The following CORIN variants were observed in gnomAD, a reference collection of about 807,000 sequenced individuals.
CORIN encodes atrial natriuretic peptide-converting enzyme.
CORIN carries 117 observed loss-of-function variants against 125.3 expected under a neutral mutation model. That is an observed-to-expected ratio of 0.93 (90% CI 0.80 to 1.09). The LOEUF is 1.09. CORIN is among the 50% of genes least tolerant of loss of function. The probability of loss-of-function intolerance (pLI) is 0.00; values close to 1 mark genes in which losing one functional copy is unlikely to be tolerated. For missense variants in CORIN, 1,253 were observed against 1,306.7 expected, an observed-to-expected ratio of 0.96 and a Z score of 0.63; for synonymous variants, 450 against 466.4, an observed-to-expected ratio of 0.96 and a Z score of 0.45.
At chr4:47,745,170 G>T (rs1045148086) in intron 4 of CORIN, among the ~76,000 whole-genome samples, 2 of 152,114 alleles carry the variant, frequency 1.3e-5, no homozygotes, top group Non-Finnish European at 2.9e-5. Context: ...GCACACAATT[G>T]TCTGTTAATA....
intron 16 of CORIN, among the ~76,000 whole-genome samples, chr4:47,628,848 G>C (rs772361463): frequency 6.6e-6 from 1 of 152,086 alleles, no homozygotes; most frequent in Non-Finnish European, 1.5e-5. Flanking sequence ...GTGTGTGTAT[G>C]TGTATTCTTT....
intron 3 of CORIN, among the ~76,000 whole-genome samples, chr4:47,777,588 G>A (rs1019720244): frequency 1.6e-4 from 25 of 152,110 alleles, no homozygotes; most frequent in Non-Finnish European, 3.1e-4. Flanking sequence ...CCAAGATCGC[G>A]CCATTGCACT....
chr4:47,829,024 G>A (rs1195751939), intron 1 of CORIN, among the ~76,000 whole-genome samples: 1 of 151,962 alleles, frequency 6.6e-6, no homozygotes, highest in South Asian at 2.1e-4. Flanking sequence ...CGGGCATGGT[G>A]GTGGGCGCCT....
At chr4:47,617,419 C>T (rs1722106032) in intron 19 of CORIN, among the ~76,000 whole-genome samples, 1 of 152,158 alleles carries the variant, frequency 6.6e-6, no homozygotes, top group Non-Finnish European at 1.5e-5. Context: ...TGAAAGCCCC[C>T]CAAAACAATG....
chr4:47,700,963 A>C (rs1726266745), intron 5 of CORIN, among the ~76,000 whole-genome samples: 1 of 152,162 alleles, frequency 6.6e-6, no homozygotes, highest in Non-Finnish European at 1.5e-5. Context: ...TCTTCTTAGT[A>C]GATGGTGCTA....
At chr4:47,621,966 A>T in intron 19 of CORIN, among the ~76,000 whole-genome samples, 1 of 145,000 alleles carries the variant, frequency 6.9e-6, no homozygotes, top group Admixed American at 7.0e-5. Context: ...GTCATCTAAC[A>T]TTAGGTATAT....
chr4:47,763,019 T>C lies in CORIN; in HGVS notation c.617+360A>G, dbSNP rs1370331478. On this transcript the variant is annotated intron_variant, in intron 4 of 21. Transcript: ENST00000273857. ...GTATCCCCGTATCATGAGACCCTGGTGCCTCCCATCACTTATTTGTTCTCT... is the reference window on the plus strand; with the variant it reads ...GTATCCCCGTATCATGAGACCCTGGCGCCTCCCATCACTTATTTGTTCTCT... Among the ~76,000 whole-genome samples the C allele has an allele frequency of 2.0e-5, 3 of 152,150 alleles. 1 individual carries two copies. The highest frequency in any genetic ancestry group is 4.4e-5 in the Non-Finnish European group (3 of 68,032).
chr4:47,599,404 T>G (rs1321178976), intron 21 of CORIN, among the ~76,000 whole-genome samples: 1 of 152,214 alleles, frequency 6.6e-6, no homozygotes, highest in African/African-American at 2.4e-5. Context: ...AGAGCACTGT[T>G]GTATCTTTTC....
intron 5 of CORIN, among the ~76,000 whole-genome samples, chr4:47,699,020 T>C (rs528713781): frequency 6.6e-6 from 1 of 152,196 alleles, no homozygotes; most frequent in African/African-American, 2.4e-5. Flanking sequence ...ACTCTGATGT[T>C]TGCACATGAT....
At position 47,601,183 on chromosome 4, in the gene CORIN, G is replaced by A. The variant is rs573196982; in HGVS notation, c.2813-836C>T. On this transcript the variant is annotated intron_variant, in intron 20 of 21. Transcript: ENST00000273857. ...AAGAACAATAGCTAACATTTATTGGGCACTAGTGGGTCTCATTGCCTTTAA... is the reference window on the plus strand; with the variant it reads ...AAGAACAATAGCTAACATTTATTGGACACTAGTGGGTCTCATTGCCTTTAA... Among the ~76,000 whole-genome samples, 113 of 152,288 alleles carry A rather than the reference G, an allele frequency of 7.4e-4. 1 individual carries two copies. Among genetic ancestry groups the A allele is most frequent in the Admixed American group, 2.4e-3 (36 of 15,304 alleles).
rs145257092 is a variant in CORIN, at chr4:47,674,038, G to A, written c.1357+355C>T. Among the ~76,000 whole-genome samples the A allele has an allele frequency of 7.2e-4, 109 of 152,298 alleles. 1 individual carries two copies. The highest frequency in any genetic ancestry group is 2.6e-3 in the African/African-American group (108 of 41,552). On this transcript the variant is annotated intron_variant, in intron 10 of 21. Transcript: ENST00000273857. ...CTATGAACTTCATATTTGCTTCTTG[G>A]TTAAAGTTTCCATTTTTGAAGCTAT...
At chr4:47,835,777 C>T (rs925962581) in intron 1 of CORIN, among the ~76,000 whole-genome samples, 4 of 152,176 alleles carry the variant, frequency 2.6e-5, no homozygotes, top group African/African-American at 9.7e-5. Flanking sequence ...TGATGCCTGC[C>T]TTCTATGCTG....
At chr4:47,603,326 T>G (rs970888300) in intron 20 of CORIN, 71 bp downstream of exon 20, 60 of 1,490,566 alleles carry the variant, frequency 4.0e-5, no homozygotes, top group African/African-American at 1.4e-5. Context: ...TAAACTTCTT[T>G]CCTTTATAAA....
At chr4:47,708,481 C>A (rs1037935812) in intron 5 of CORIN, among the ~76,000 whole-genome samples, 1 of 152,134 alleles carries the variant, frequency 6.6e-6, no homozygotes, top group Non-Finnish European at 1.5e-5. Context: ...TGAGGAGCAC[C>A]CTTATTTCCA....
chr4:47,805,889 T>G (rs1731772211), intron 2 of CORIN, among the ~76,000 whole-genome samples: 1 of 152,196 alleles, frequency 6.6e-6, no homozygotes. Context: ...GTCTTGATAT[T>G]TATTTCTCTG....
intron 14 of CORIN, 89 bp from the exon 15 acceptor site, chr4:47,643,345 A>G: frequency 8.2e-7 from 1 of 1,220,096 alleles, no homozygotes; most frequent in South Asian, 1.5e-5. Flanking sequence ...TGCCAGCAGG[A>G]GCATGGAAAG....
At chr4:47,692,421 A>G (rs1261950197) in intron 6 of CORIN, among the ~76,000 whole-genome samples, 2 of 152,124 alleles carry the variant, frequency 1.3e-5, no homozygotes, top group Non-Finnish European at 2.9e-5. Context: ...TATTGGACAA[A>G]CCACTGGCCA....
At chr4:47,620,718 G>C (rs752799595) in intron 19 of CORIN, among the ~76,000 whole-genome samples, 1 of 152,134 alleles carries the variant, frequency 6.6e-6, no homozygotes, top group Non-Finnish European at 1.5e-5. Flanking sequence ...TTTACCTTTC[G>C]GTGTCTTACT....
chr4:47,669,526 T>G (rs1268097769), intron 10 of CORIN, among the ~76,000 whole-genome samples: 1 of 151,540 alleles, frequency 6.6e-6, no homozygotes, highest in Non-Finnish European at 1.5e-5. Flanking sequence ...TCTTGTCTTA[T>G]CTCAACTGTC....
Sources: allele counts gnomAD v4.1 joint callset (sites outside exome capture counted in the v4.1 genomes callset), GRCh38; gene constraint gnomAD v4.1.1; transcripts MANE v1.5; gene names NCBI Gene and HGNC (gene_info 2026-07-23, HGNC 2026-07-21).